The following DCAF1 variants were observed in gnomAD, a reference collection of about 807,000 sequenced individuals.
DCAF1 encodes the protein DDB1 and CUL4 associated factor 1, also known as DDB1- and CUL4-associated factor 1.
DCAF1 carries 15 observed loss-of-function variants against 128.0 expected under a neutral mutation model. The observed-to-expected ratio is 0.12, with a 90% CI of 0.08 to 0.18. The LOEUF is 0.18. Ranked by LOEUF, DCAF1 falls within the 10% of genes least tolerant of loss-of-function variation. The probability of loss-of-function intolerance (pLI) is 1.00; values close to 1 mark genes in which losing one functional copy is unlikely to be tolerated. For missense variants in DCAF1, 988 were observed against 1,649.5 expected, an observed-to-expected ratio of 0.60 and a Z score of 6.95; for synonymous variants, 610 against 603.0, an observed-to-expected ratio of 1.01 and a Z score of -0.17.
At chr3:51,497,394 C>T (rs954709150) in intron 1 of DCAF1, among the ~76,000 whole-genome samples, 1 of 151,492 alleles carries the variant, frequency 6.6e-6, no homozygotes. Flanking sequence ...CATGACCAGC[C>T]GGACCAACAT....
chr3:51,412,262 G>C (rs1469451328), intron 23 of DCAF1, 117 bp downstream of exon 23: 1 of 1,424,068 alleles, frequency 7.0e-7, no homozygotes, highest in Non-Finnish European at 9.5e-7. Context: ...CAAGCCTTAT[G>C]AATGTGGCAA....
At chr3:51,461,676 C>T (rs1362640207) in intron 6 of DCAF1, among the ~76,000 whole-genome samples, 136 of 152,178 alleles carry the variant, frequency 8.9e-4, no homozygotes, top group Non-Finnish European at 1.4e-3. Context: ...TGTCCAACAA[C>T]GATAGACTGG....
chr3:51,497,214 G>C (rs530323263), intron 1 of DCAF1, among the ~76,000 whole-genome samples: 91 of 152,324 alleles, frequency 6.0e-4, no homozygotes, highest in Non-Finnish European at 9.3e-4. Context: ...AGAATCGCTT[G>C]AACCTGGGAG....
chr3:51,438,240 A>T (rs1701035260), intron 9 of DCAF1, among the ~76,000 whole-genome samples: 1 of 152,162 alleles, frequency 6.6e-6, no homozygotes, highest in East Asian at 1.9e-4. Flanking sequence ...ATATTAAGAG[A>T]ATTCATTCAC....
intron 4 of DCAF1, among the ~76,000 whole-genome samples, chr3:51,468,574 CAAGAT>C (rs1278397169): frequency 6.6e-6 from 1 of 152,090 alleles, no homozygotes; most frequent in Non-Finnish European, 1.5e-5. Flanking sequence ...AGAATGAAGA[CAAGAT>C]GTGAGCTGCT....
intron 10 of DCAF1, among the ~76,000 whole-genome samples, chr3:51,430,798 A>G (rs1476126383): frequency 2.0e-5 from 3 of 152,246 alleles, no homozygotes; most frequent in Non-Finnish European, 4.4e-5. Flanking sequence ...AAAACAAATT[A>G]AAACTGATAT....
intron 9 of DCAF1, among the ~76,000 whole-genome samples, chr3:51,436,155 T>A (rs1553636630): frequency 6.6e-6 from 1 of 152,092 alleles, no homozygotes; most frequent in Non-Finnish European, 1.5e-5. Flanking sequence ...TACCAGAAAA[T>A]TCACCCCAAC....
At chr3:51,403,492 T>A (rs2089887848) in intron 23 of DCAF1, 97 bp from the exon 24 acceptor site, 2 of 1,499,114 alleles carry the variant, frequency 1.3e-6, no homozygotes, top group East Asian at 2.5e-5. Context: ...TAGGAAACTG[T>A]CAGTAGAGGG....
At position 51,418,671 on chromosome 3, in the gene DCAF1, C is replaced by T. The variant is rs782668864; in HGVS notation, c.3435+7G>A. ...TGACTGAGAGCATCCTAGGAAGGAA[C>T]CCTTACCCTGGAAGGTTCAAGATGT... On this transcript the variant is annotated splice_region_variant and intron_variant, in intron 16 of 24. Transcript: ENST00000684031. 6.2e-7 allele frequency: 1 copy of T among 1,607,370 alleles called. No homozygotes were observed.
chr3:51,494,299 A>G (rs1420674052), intron 2 of DCAF1, among the ~76,000 whole-genome samples: 1 of 151,768 alleles, frequency 6.6e-6, no homozygotes, highest in Admixed American at 6.6e-5. Flanking sequence ...TATTTGTAGT[A>G]CAGACGGGGT....
chr3:51,418,329 G>A, intron 16 of DCAF1, 131 bp from the exon 17 acceptor site: 1 of 1,461,226 alleles, frequency 6.8e-7, no homozygotes, highest in South Asian at 1.5e-5. Context: ...ATAATCCCCA[G>A]AAACCAAGAA....
chr3:51,458,218 G>T (rs1360498002), intron 6 of DCAF1, among the ~76,000 whole-genome samples: 1 of 152,020 alleles, frequency 6.6e-6, no homozygotes, highest in Non-Finnish European at 1.5e-5. Flanking sequence ...GATGGAGGAA[G>T]ATCTACCAAG....
chr3:51,412,256 C>A (rs797027582), intron 23 of DCAF1, 123 bp downstream of exon 23: 2 of 1,374,606 alleles, frequency 1.5e-6, no homozygotes, highest in South Asian at 1.4e-5. Context: ...ACATGACAAG[C>A]CTTATGAATG....
At chr3:51,499,198 G>C (rs1431052627) in intron 1 of DCAF1, among the ~76,000 whole-genome samples, 1 of 152,234 alleles carries the variant, frequency 6.6e-6, no homozygotes, top group African/African-American at 2.4e-5. Context: ...CACCCCAGTT[G>C]AAAACTACTA....
intron 9 of DCAF1, chr3:51,438,101 T>C (rs782778821): frequency 4.5e-6 from 2 of 439,884 alleles, no homozygotes; most frequent in Non-Finnish European, 8.8e-6. Flanking sequence ...ATGCCCAAAA[T>C]TTCCCTGAAA....
chr3:51,428,331 C>CTTT lies in DCAF1; in HGVS notation c.1678-793_1678-791dup, dbSNP rs35486639. 9.5e-4 allele frequency among the ~76,000 whole-genome samples: 105 copies of CTTT among 110,460 alleles called. 1 individual carries two copies. The highest frequency in any genetic ancestry group is 2.0e-3 in the African/African-American group (55 of 28,106). The allele number at this position is 110,460 out of a possible 152,430, so 72.5% of individuals were successfully genotyped here. A position where few individuals can be genotyped will look rare whatever the true frequency, so the allele number is the denominator to read the frequency against. ...GCTGACACAGGTGTACCACCATGCC[C>CTTT]TTTTTTTTTTTTTTTTTTTTGAGAC... On this transcript the variant is annotated intron_variant, in intron 12 of 24. Coordinates refer to ENST00000684031, the MANE Select transcript of DCAF1 (RefSeq NM_001387579.1).
At chr3:51,500,116 G>GGAAAA (rs1559596329), upstream of DCAF1, 1 of 27,836 alleles carries the variant, frequency 3.6e-5, no homozygotes, top group African/African-American at 1.5e-4. Flanking sequence ...CACGATCGGG[G>GGAAAA]AAAAAAAAAA....
rs192009641 is a variant in DCAF1 at position 51,475,549 on chromosome 3, A to G, written c.111-4544T>C. Among the ~76,000 whole-genome samples, 87 of 152,282 alleles carry G rather than the reference A, an allele frequency of 5.7e-4. 1 individual carries two copies. The highest frequency in any genetic ancestry group is 9.0e-4 in the Non-Finnish European group (61 of 68,026). On this transcript the variant is annotated intron_variant, in intron 3 of 24. Coordinates refer to ENST00000684031, the MANE Select transcript of DCAF1 (RefSeq NM_001387579.1). ...CTTGAGCCCAGGAATTCAAGGCTGCAGTAAGCTATGATAAAACTGCTGCAC... is the reference window on the plus strand; with the variant it reads ...CTTGAGCCCAGGAATTCAAGGCTGCGGTAAGCTATGATAAAACTGCTGCAC...
Position 51,424,920 on chromosome 3 carries a change from C to T in DCAF1, c.1847+2452G>A, listed in dbSNP as rs868979535. On this transcript the variant is annotated intron_variant, in intron 13 of 24. Coordinates refer to ENST00000684031, the MANE Select transcript of DCAF1 (RefSeq NM_001387579.1). ...AGAACTGAGCCAAAAGCAAATACAA[C>T]AACATGCCAATCCTGGTTAATGATG... 3.3e-5 allele frequency among the ~76,000 whole-genome samples: 5 copies of T among 152,288 alleles called. No homozygotes were observed. The Middle Eastern group carries it at 0.017, about 518-fold the overall frequency.
Sources: gnomAD v4.1 joint callset for allele counts (sites outside exome capture counted in the v4.1 genomes callset) on GRCh38, gnomAD v4.1.1 for gene constraint, MANE v1.5 for transcripts, NCBI Gene and HGNC (gene_info 2026-07-23, HGNC 2026-07-21) for gene names.